STARD13: variants seen among roughly 807,000 people sequenced by gnomAD.
STARD13 encodes StAR related lipid transfer domain containing 13.
Under a neutral mutation model 106.4 loss-of-function variants are expected in STARD13, and 62 were observed. The ratio of observed to expected loss-of-function variants is 0.58; its 90% confidence interval spans 0.48 to 0.72. STARD13 has a LOEUF of 0.72. Among genes scored for constraint, STARD13 ranks in the 30% least tolerant of loss-of-function variants. STARD13 has a pLI of 0.00. For synonymous variants in STARD13, 565 were observed against 553.0 expected, an observed-to-expected ratio of 1.02 and a Z score of -0.31; for missense variants, 1,387 against 1,424.0, an observed-to-expected ratio of 0.97 and a Z score of 0.42.
the STARD13 span, among the ~76,000 whole-genome samples, chr13:33,578,375 A>G: frequency 6.6e-6 from 1 of 152,048 alleles, no homozygotes; most frequent in Non-Finnish European, 1.5e-5. Flanking sequence ...TTGACAAAGC[A>G]TAAGAGCAAA....
chr13:33,324,536 G>A (rs943027211), intron 1 of STARD13, among the ~76,000 whole-genome samples: 3 of 152,136 alleles, frequency 2.0e-5, no homozygotes, highest in Admixed American at 1.3e-4. Context: ...GAGCTTCAAA[G>A]TCAAGGTAGC....
At chr13:33,181,252 T>C (rs1370501526) in intron 1 of STARD13, among the ~76,000 whole-genome samples, 1 of 138,118 alleles carries the variant, frequency 7.2e-6, no homozygotes, top group African/African-American at 2.8e-5. Context: ...TCTATCTCTG[T>C]CTTTCACTCA....
the STARD13 span, among the ~76,000 whole-genome samples, chr13:33,602,789 T>C: frequency 6.6e-6 from 1 of 152,222 alleles, no homozygotes; most frequent in Non-Finnish European, 1.5e-5. Flanking sequence ...TGTTGTGAAC[T>C]GTGCATATGG....
At chr13:33,178,421 A>C (rs1884923184) in intron 1 of STARD13, among the ~76,000 whole-genome samples, 1 of 152,212 alleles carries the variant, frequency 6.6e-6, no homozygotes, top group Non-Finnish European at 1.5e-5. Context: ...CATCCTGGTG[A>C]ACGTATTTCA....
In STARD13 at chr13:33,126,246, A is replaced by C. The variant is rs960261435; in HGVS notation, c.1923-6T>G. The C allele has an allele frequency of 4.3e-6, 7 of 1,613,278 alleles. No homozygotes were observed. The highest frequency in any genetic ancestry group is 5.9e-6 in the Non-Finnish European group (7 of 1,179,542). On this transcript the variant is annotated splice_region_variant and splice_polypyrimidine_tract_variant and intron_variant, in intron 6 of 13. Transcript: ENST00000336934. ...TCATGAACTTTGGAACTGACCTAGA[A>C]TTTACAGAAACCAGGTCATGCAAGC... is the stretch of plus-strand genomic sequence containing the variant.
At chr13:33,364,297 C>G in the STARD13 span, among the ~76,000 whole-genome samples, 1 of 152,242 alleles carries the variant, frequency 6.6e-6, no homozygotes, top group East Asian at 1.9e-4. Flanking sequence ...GAGGCTCCTT[C>G]TCAACAAAAA....
the STARD13 span, among the ~76,000 whole-genome samples, chr13:33,535,622 A>T: frequency 6.6e-6 from 1 of 152,198 alleles, no homozygotes; most frequent in South Asian, 2.1e-4. Flanking sequence ...GCTCCAAAGG[A>T]GGAGAAAGTT....
intron 3 of STARD13, among the ~76,000 whole-genome samples, chr13:33,142,691 C>T (rs1031482880): frequency 1.3e-5 from 2 of 152,198 alleles, no homozygotes; most frequent in Admixed American, 6.5e-5. Context: ...TCACTATCTC[C>T]TCCAATCGTT....
intron 3 of STARD13, chr13:33,155,480 C>T (rs1162113440): frequency 6.6e-6 from 1 of 152,088 alleles, no homozygotes; most frequent in African/African-American, 2.4e-5. Flanking sequence ...AATACAAACA[C>T]CTGAAATATA....
chr13:33,650,524 A>G, the STARD13 span, among the ~76,000 whole-genome samples: 1 of 151,006 alleles, frequency 6.6e-6, no homozygotes, highest in East Asian at 2.0e-4. Context: ...TTTTAAAGTC[A>G]TAAGCCTTTT....
At chr13:33,426,934 T>C in the STARD13 span, among the ~76,000 whole-genome samples, 3 of 152,210 alleles carry the variant, frequency 2.0e-5, no homozygotes, top group East Asian at 5.8e-4. Flanking sequence ...TCTCAGTTTA[T>C]GAACTTGTAT....
intron 1 of STARD13, among the ~76,000 whole-genome samples, chr13:33,231,957 C>A (rs1488367846): frequency 2.0e-5 from 3 of 152,150 alleles, no homozygotes; most frequent in Non-Finnish European, 4.4e-5. Context: ...TGTAACCGAG[C>A]ACATCCCGCA....
At chr13:33,587,640 A>G in the STARD13 span, among the ~76,000 whole-genome samples, 6 of 152,228 alleles carry the variant, frequency 3.9e-5, no homozygotes, top group Non-Finnish European at 7.3e-5. Context: ...TCTTGATAAT[A>G]TGCAGGTTTT....
the STARD13 span, among the ~76,000 whole-genome samples, chr13:33,412,405 G>C: frequency 2.6e-5 from 4 of 151,668 alleles, no homozygotes; most frequent in African/African-American, 9.7e-5. Context: ...CAAGAATGTA[G>C]GAAAAAGAAA....
the STARD13 span, among the ~76,000 whole-genome samples, chr13:33,470,921 T>C: frequency 2.6e-5 from 4 of 152,240 alleles, no homozygotes; most frequent in African/African-American, 7.2e-5. Context: ...AGAAGCTCTT[T>C]AGTTTGATTA....
At chr13:33,107,070 G>T in intron 12 of STARD13, 136 bp from the exon 13 acceptor site, 1 of 756,824 alleles carries the variant, frequency 1.3e-6, no homozygotes, top group Non-Finnish European at 2.1e-6. Flanking sequence ...CTTGGATTAA[G>T]CTAATGGCTT....
intron 1 of STARD13, among the ~76,000 whole-genome samples, chr13:33,240,719 TTATCCTTAAGTA>T (rs1320885115): frequency 2.8e-5 from 4 of 142,224 alleles, no homozygotes; most frequent in African/African-American, 1.0e-4. Flanking sequence ...ATCCTTAAGT[TTATCCTTAAGTA>T]TTTTATCCTT....
the STARD13 span, among the ~76,000 whole-genome samples, chr13:33,577,344 C>G: frequency 6.6e-6 from 1 of 152,108 alleles, no homozygotes; most frequent in Admixed American, 6.6e-5. Flanking sequence ...CTATAAATAG[C>G]ATAGTATAAA....
intron 3 of STARD13, among the ~76,000 whole-genome samples, chr13:33,156,235 C>A (rs1163984669): frequency 6.6e-6 from 1 of 152,196 alleles, no homozygotes; most frequent in African/African-American, 2.4e-5. Context: ...ATAGAATATT[C>A]CAAGCCTTCA....
Sources: allele counts gnomAD v4.1 joint callset (sites outside exome capture counted in the v4.1 genomes callset), GRCh38; gene constraint gnomAD v4.1.1; transcripts MANE v1.5; gene names NCBI Gene and HGNC (gene_info 2026-07-23, HGNC 2026-07-21).